The following ENTREP2 variants were observed in gnomAD, a reference collection of about 807,000 sequenced individuals.
ENTREP2 encodes protein ENTREP2.
At chr15:29,229,024 A>C in the ENTREP2 span, among the ~76,000 whole-genome samples, 1 of 152,172 alleles carries the variant, frequency 6.6e-6, no homozygotes, top group Non-Finnish European at 1.5e-5. Flanking sequence ...CGAATAAAGA[A>C]ATCTATGAAA....
the ENTREP2 span, among the ~76,000 whole-genome samples, chr15:29,587,138 CGTGTGTGTGTGT>C: frequency 0.1 from 12,577 of 123,830 alleles, 582 homozygotes; most frequent in East Asian, 0.23. Context: ...TGTAGCTAAC[CGTGTGTGTGTGT>C]GTGTGTGTGT....
At chr15:29,361,106 T>G in the ENTREP2 span, among the ~76,000 whole-genome samples, 5 of 152,210 alleles carry the variant, frequency 3.3e-5, no homozygotes, top group African/African-American at 4.8e-5. Flanking sequence ...GAGTCTACTC[T>G]CTGATCTACC....
At chr15:29,469,107 C>T in the ENTREP2 span, among the ~76,000 whole-genome samples, 1 of 152,184 alleles carries the variant, frequency 6.6e-6, no homozygotes, top group African/African-American at 2.4e-5. Context: ...GCAACATCCA[C>T]CAATGGATGA....
the ENTREP2 span, among the ~76,000 whole-genome samples, chr15:29,231,875 GTTTTC>G: frequency 5.2e-4 from 60 of 115,400 alleles, no homozygotes; most frequent in African/African-American, 1.0e-3. Flanking sequence ...TGAGGAATAA[GTTTTC>G]TTTTCTTTTC....
the ENTREP2 span, among the ~76,000 whole-genome samples, chr15:29,230,298 G>A: frequency 1.3e-5 from 2 of 151,944 alleles, no homozygotes; most frequent in Non-Finnish European, 2.9e-5. Flanking sequence ...TTTCCAATAC[G>A]TAAATCTGAT....
chr15:29,203,481 T>C, the ENTREP2 span, among the ~76,000 whole-genome samples: 1 of 152,202 alleles, frequency 6.6e-6, no homozygotes, highest in Non-Finnish European at 1.5e-5. Context: ...TTTTTAATAA[T>C]TGCCATTCTA....
At chr15:29,549,295 A>T in the ENTREP2 span, among the ~76,000 whole-genome samples, 1 of 147,410 alleles carries the variant, frequency 6.8e-6, no homozygotes, top group Non-Finnish European at 1.5e-5. Flanking sequence ...TTTGAGACGG[A>T]GTCTCACTCT....
the ENTREP2 span, among the ~76,000 whole-genome samples, chr15:29,429,985 A>G: frequency 1.3e-5 from 2 of 152,334 alleles, no homozygotes; most frequent in Admixed American, 1.3e-4. Flanking sequence ...TCAAATACCT[A>G]TTGAACCTTT....
the ENTREP2 span, among the ~76,000 whole-genome samples, chr15:29,635,370 G>A: frequency 6.6e-6 from 1 of 152,128 alleles, no homozygotes; most frequent in Admixed American, 6.6e-5. Flanking sequence ...AGAGTCATGT[G>A]CCAGGAAACG....
the ENTREP2 span, among the ~76,000 whole-genome samples, chr15:29,568,602 G>A: frequency 0.01 from 1,585 of 151,846 alleles, 52 homozygotes; most frequent in Admixed American, 9.8e-3. Flanking sequence ...TACTTGCAAG[G>A]CAGAGGCAGG....
chr15:29,121,225 C>T, the ENTREP2 span: 1 of 152,310 alleles, frequency 6.6e-6, no homozygotes, highest in Non-Finnish European at 1.5e-5. Flanking sequence ...GGGACCGGGC[C>T]CTGCTGCAGA....
At chr15:29,235,789 C>A in the ENTREP2 span, among the ~76,000 whole-genome samples, 1,397 of 152,130 alleles carry the variant, frequency 9.2e-3, 21 homozygotes, top group African/African-American at 0.032. Context: ...GATGGTGAAA[C>A]CCTGTCTCTA....
the ENTREP2 span, among the ~76,000 whole-genome samples, chr15:29,587,556 G>A: frequency 6.6e-6 from 1 of 152,100 alleles, no homozygotes; most frequent in Non-Finnish European, 1.5e-5. Flanking sequence ...GAGGATGATA[G>A]GAAAACAACT....
At chr15:29,247,711 C>T in the ENTREP2 span, among the ~76,000 whole-genome samples, 1 of 149,554 alleles carries the variant, frequency 6.7e-6, no homozygotes, top group Non-Finnish European at 1.5e-5. Flanking sequence ...TGCTTAATAG[C>T]AGCCAACTTT....
the ENTREP2 span, among the ~76,000 whole-genome samples, chr15:29,200,889 G>T: frequency 6.6e-6 from 1 of 152,082 alleles, no homozygotes; most frequent in African/African-American, 2.4e-5. Flanking sequence ...TAACTGGGGG[G>T]AAATGGACAT....
the ENTREP2 span, among the ~76,000 whole-genome samples, chr15:29,506,228 A>G: frequency 6.6e-6 from 1 of 152,210 alleles, no homozygotes; most frequent in Non-Finnish European, 1.5e-5. Flanking sequence ...AATGAAAAGG[A>G]GCAAAGCCTC....
chr15:29,235,945 A>G, the ENTREP2 span, among the ~76,000 whole-genome samples: 34 of 152,102 alleles, frequency 2.2e-4, no homozygotes, highest in African/African-American at 8.0e-4. Flanking sequence ...CCTGGGCGAC[A>G]GAGTGAGACT....
the ENTREP2 span, among the ~76,000 whole-genome samples, chr15:29,478,423 G>A: frequency 6.6e-6 from 1 of 152,090 alleles, no homozygotes; most frequent in Non-Finnish European, 1.5e-5. Flanking sequence ...ATTCTTTCAT[G>A]CACCTCAAGT....
the ENTREP2 span, among the ~76,000 whole-genome samples, chr15:29,278,636 C>T: frequency 1.3e-5 from 2 of 152,160 alleles, no homozygotes; most frequent in East Asian, 1.9e-4. Context: ...CTACTTGCCA[C>T]CTCATACTTT....
Sources: allele counts gnomAD v4.1 joint callset (sites outside exome capture counted in the v4.1 genomes callset), GRCh38; gene constraint gnomAD v4.1.1; transcripts MANE v1.5; gene names NCBI Gene and HGNC (gene_info 2026-07-23, HGNC 2026-07-21).